CAST: variants seen among roughly 807,000 people sequenced by gnomAD.
CAST encodes calpastatin.
Under a neutral mutation model 119.6 loss-of-function variants are expected in CAST, and 76 were observed. That is an observed-to-expected ratio of 0.64 (90% CI 0.53 to 0.77). CAST has a LOEUF of 0.77. Ranked by LOEUF, CAST falls within the 30% of genes least tolerant of loss-of-function variation. The probability of loss-of-function intolerance (pLI) is 0.00; values close to 1 mark genes in which losing one functional copy is unlikely to be tolerated. For missense variants in CAST, 953 were observed against 946.5 expected, an observed-to-expected ratio of 1.01 and a Z score of -0.09; for synonymous variants, 319 against 331.6, an observed-to-expected ratio of 0.96 and a Z score of 0.41.
At chr5:96,326,628 G>T in the CAST span, among the ~76,000 whole-genome samples, 1 of 146,186 alleles carries the variant, frequency 6.8e-6, no homozygotes, top group Non-Finnish European at 1.5e-5. Context: ...TATTGCCATT[G>T]TTTGTTTGCA....
At chr5:96,669,754 G>A (rs1488624606) in intron 1 of CAST, among the ~76,000 whole-genome samples, 1 of 152,168 alleles carries the variant, frequency 6.6e-6, no homozygotes, top group Non-Finnish European at 1.5e-5. Flanking sequence ...CTGACCCTGG[G>A]AACCTCCCCA....
chr5:96,228,639 A>G, the CAST span, among the ~76,000 whole-genome samples: 1 of 152,206 alleles, frequency 6.6e-6, no homozygotes, highest in Non-Finnish European at 1.5e-5. Flanking sequence ...TTCACAAGTT[A>G]AGGATTATTA....
At chr5:96,327,886 A>T in the CAST span, among the ~76,000 whole-genome samples, 1 of 152,190 alleles carries the variant, frequency 6.6e-6, no homozygotes, top group Non-Finnish European at 1.5e-5. Context: ...ATTTTAAATT[A>T]CATCATATAT....
At chr5:96,304,559 C>T in the CAST span, among the ~76,000 whole-genome samples, 5 of 152,298 alleles carry the variant, frequency 3.3e-5, no homozygotes, top group East Asian at 7.7e-4. Context: ...CCTAGGTTTT[C>T]TTCTAGGGTT....
chr5:95,977,121 A>G, the CAST span, among the ~76,000 whole-genome samples: 4 of 152,192 alleles, frequency 2.6e-5, no homozygotes, highest in Non-Finnish European at 5.9e-5. Context: ...TATTTTGAGG[A>G]CTTTCTTAGT....
At chr5:96,080,194 C>T in the CAST span, among the ~76,000 whole-genome samples, 2 of 152,072 alleles carry the variant, frequency 1.3e-5, no homozygotes, top group African/African-American at 4.8e-5. Flanking sequence ...ATAGTATATA[C>T]CTTGAAGAGG....
chr5:96,593,771 TG>T (rs1028901379), intron 1 of CAST, among the ~76,000 whole-genome samples: 1 of 152,158 alleles, frequency 6.6e-6, no homozygotes, highest in Non-Finnish European at 1.5e-5. Context: ...TTCCACCATG[TG>T]GGAATCCAGG....
At chr5:96,052,563 A>C in the CAST span, among the ~76,000 whole-genome samples, 1 of 152,240 alleles carries the variant, frequency 6.6e-6, no homozygotes, top group Non-Finnish European at 1.5e-5. Flanking sequence ...TTGTTTCCCT[A>C]CATCTCTGCC....
At chr5:96,100,297 G>A in the CAST span, among the ~76,000 whole-genome samples, 21 of 152,320 alleles carry the variant, frequency 1.4e-4, no homozygotes, top group Middle Eastern at 6.8e-3. Flanking sequence ...AGATGTGAGT[G>A]CTGTGTGACT....
At chr5:96,630,449 C>G (rs1362608862) in intron 1 of CAST, among the ~76,000 whole-genome samples, 5 of 152,114 alleles carry the variant, frequency 3.3e-5, no homozygotes, top group Admixed American at 3.3e-4. Flanking sequence ...CATTAAAATA[C>G]AGGAGGGAAG....
intron 1 of CAST, among the ~76,000 whole-genome samples, chr5:96,550,707 T>C (rs1746110829): frequency 6.6e-6 from 1 of 152,168 alleles, no homozygotes; most frequent in African/African-American, 2.4e-5. Flanking sequence ...ATAGCCAGTG[T>C]AGAGAAGAGC....
chr5:96,597,512 C>A (rs1419215041), intron 1 of CAST, among the ~76,000 whole-genome samples: 1 of 152,192 alleles, frequency 6.6e-6, no homozygotes, highest in African/African-American at 2.4e-5. Flanking sequence ...CTAATTACCA[C>A]TAACTAGAGA....
intron 4 of CAST, among the ~76,000 whole-genome samples, chr5:96,724,632 A>C (rs962796749): frequency 6.6e-6 from 1 of 151,786 alleles, no homozygotes; most frequent in Non-Finnish European, 1.5e-5. Flanking sequence ...GGAGTTTGGG[A>C]CCAGCCTGGG....
chr5:95,970,763 C>T, the CAST span, among the ~76,000 whole-genome samples: 2 of 152,218 alleles, frequency 1.3e-5, no homozygotes, highest in Admixed American at 6.5e-5. Context: ...ATAAGGAGAA[C>T]TGCTCTCTGT....
At chr5:96,138,559 T>C in the CAST span, among the ~76,000 whole-genome samples, 1 of 152,060 alleles carries the variant, frequency 6.6e-6, no homozygotes, top group Admixed American at 6.6e-5. Flanking sequence ...ACAGGCCAAG[T>C]TGGGAAGAAT....
At chr5:96,528,475 G>A (rs1348769457), upstream of CAST, among the ~76,000 whole-genome samples, 1 of 152,092 alleles carries the variant, frequency 6.6e-6, no homozygotes, top group East Asian at 1.9e-4. Context: ...TACAAGGTAA[G>A]TATTTCCTGT....
rs542789979 is a variant in CAST at position 96,587,058 on chromosome 5, T to C, written c.60+57178T>C. ...CTCTGCTCTTTCTACTACCTCACAC[T>C]GCCTCAGCTATTATTGAACAGAGTG... is the stretch of plus-strand genomic sequence containing the variant. On this transcript the variant is annotated intron_variant, in intron 1 of 11. Coordinates refer to the CAST transcript ENST00000505143. Among the ~76,000 whole-genome samples the C allele has an allele frequency of 2.6e-5, 4 of 152,364 alleles. No individual in the cohort carries two copies. The East Asian group carries it at 7.7e-4, about 29-fold the overall frequency.
At chr5:96,326,664 A>T in the CAST span, among the ~76,000 whole-genome samples, 1 of 149,736 alleles carries the variant, frequency 6.7e-6, no homozygotes, top group Non-Finnish European at 1.5e-5. Context: ...TAAAAATGTA[A>T]ATTACTCAAA....
intron 1 of CAST, among the ~76,000 whole-genome samples, chr5:96,591,263 G>A (rs1194705739): frequency 6.6e-6 from 1 of 152,210 alleles, no homozygotes; most frequent in East Asian, 1.9e-4. Context: ...CAAAGTTTGA[G>A]GATGGCTGCC....
Sources: allele counts gnomAD v4.1 joint callset (sites outside exome capture counted in the v4.1 genomes callset), GRCh38; gene constraint gnomAD v4.1.1; transcripts MANE v1.5; gene names NCBI Gene and HGNC (gene_info 2026-07-23, HGNC 2026-07-21).